Variants in NLRP14 observed in about 807,000 individuals in gnomAD.
NLRP14 encodes the protein NLR family pyrin domain containing 14.
In NLRP14, 105 loss-of-function variants were observed where a neutral mutation model predicts 94.7. The ratio of observed to expected loss-of-function variants is 1.11; its 90% confidence interval spans 0.95 to 1.30. NLRP14 has a LOEUF of 1.30. Ranked by LOEUF, NLRP14 falls within the 50% of genes most tolerant of loss-of-function variation. NLRP14 has a pLI of 0.00. For missense variants in NLRP14, 1,362 were observed against 1,254.1 expected, an observed-to-expected ratio of 1.09 and a Z score of -1.30; for synonymous variants, 508 against 459.9, an observed-to-expected ratio of 1.10 and a Z score of -1.34.
intron 1 of NLRP14, among the ~76,000 whole-genome samples, chr11:7,023,307 G>C (rs1851970135): frequency 6.9e-6 from 1 of 145,930 alleles, no homozygotes; most frequent in Admixed American, 6.9e-5. Flanking sequence ...GATTGATAAA[G>C]TATATATTTT....
chr11:7,080,989 G>T, the NLRP14 span, among the ~76,000 whole-genome samples: 2 of 152,128 alleles, frequency 1.3e-5, no homozygotes, highest in African/African-American at 4.8e-5. Context: ...GTTAGGAGGG[G>T]AGGTTGTCTT....
intron 1 of NLRP14, among the ~76,000 whole-genome samples, chr11:7,035,581 A>T (rs1036679725): frequency 2.0e-5 from 3 of 152,190 alleles, no homozygotes; most frequent in Non-Finnish European, 4.4e-5. Context: ...TGAGGCTGGG[A>T]AACTGCTATA....
chr11:7,083,898 G>A, the NLRP14 span, among the ~76,000 whole-genome samples: 1 of 152,132 alleles, frequency 6.6e-6, no homozygotes. Flanking sequence ...CCTTTAATAG[G>A]CAGTTTTACA....
intron 9 of NLRP14, among the ~76,000 whole-genome samples, chr11:7,060,389 T>G (rs1478979294): frequency 6.6e-6 from 1 of 152,054 alleles, no homozygotes; most frequent in East Asian, 1.9e-4. Flanking sequence ...AAAATTGTTC[T>G]CTACTAGTTT....
chr11:7,058,595 C>A, intron 8 of NLRP14, 145 bp downstream of exon 8: 2 of 672,158 alleles, frequency 3.0e-6, no homozygotes, highest in African/African-American at 1.8e-5. Flanking sequence ...TTAATAATTG[C>A]CATTTATTGT....
intron 1 of NLRP14, among the ~76,000 whole-genome samples, chr11:7,035,863 C>T (rs139956497): frequency 1.9e-3 from 285 of 152,248 alleles, no homozygotes; most frequent in African/African-American, 6.6e-3. Context: ...TTGTATAACT[C>T]TGAATTTCCA....
the NLRP14 span, among the ~76,000 whole-genome samples, chr11:7,081,759 T>C: frequency 6.6e-6 from 1 of 152,218 alleles, no homozygotes; most frequent in Non-Finnish European, 1.5e-5. Flanking sequence ...TCCATGTGTT[T>C]ATCAATTCAA....
chr11:7,057,923 AACTTCTTGGGTCTTGGC>A, intron 7 of NLRP14, 76 bp downstream of exon 7: 1 of 1,241,364 alleles, frequency 8.1e-7, no homozygotes, highest in Non-Finnish European at 1.2e-6. Flanking sequence ...CTGATAGGGA[AACTTCTTGGGTCTTGGC>A]ACTAACTGGC....
chr11:7,074,776 T>A (rs1589878711), downstream of NLRP14, among the ~76,000 whole-genome samples: 1 of 152,172 alleles, frequency 6.6e-6, no homozygotes, highest in Non-Finnish European at 1.5e-5. Flanking sequence ...TCTGTGGCTG[T>A]TTTTTCTGTA....
chr11:7,032,103 T>C (rs1056647742), intron 1 of NLRP14, among the ~76,000 whole-genome samples: 7 of 152,226 alleles, frequency 4.6e-5, no homozygotes, highest in Non-Finnish European at 1.0e-4. Context: ...ATTGCCTTTT[T>C]ACCTTTTTAT....
At chr11:7,089,656 G>A in the NLRP14 span, 4 of 1,409,074 alleles carry the variant, frequency 2.8e-6, no homozygotes, top group South Asian at 4.5e-5. Flanking sequence ...GGAATGCGCG[G>A]GAGGGCCCTG....
chr11:7,072,362 A>G (rs1011808704), downstream of NLRP14, among the ~76,000 whole-genome samples: 1 of 152,230 alleles, frequency 6.6e-6, no homozygotes, highest in African/African-American at 2.4e-5. Flanking sequence ...ATTCTCAGCA[A>G]TTTTGATCCT....
downstream of NLRP14, among the ~76,000 whole-genome samples, chr11:7,073,120 A>G (rs1350086774): frequency 6.6e-6 from 1 of 152,158 alleles, no homozygotes; most frequent in Non-Finnish European, 1.5e-5. Context: ...AGGATTTGAA[A>G]GGGCCAAGAG....
At chr11:7,046,964 C>T (rs1376246895) in intron 5 of NLRP14, 132 bp downstream of exon 5, 3 of 749,624 alleles carry the variant, frequency 4.0e-6, no homozygotes, top group Non-Finnish European at 4.7e-6. Context: ...TAAACAGGAA[C>T]AATGGAATCC....
chr11:7,074,276 A>C (rs1383282718), downstream of NLRP14, among the ~76,000 whole-genome samples: 1 of 152,224 alleles, frequency 6.6e-6, no homozygotes, highest in Non-Finnish European at 1.5e-5. Flanking sequence ...CACACAAAAC[A>C]GTAATACTGC....
intron 1 of NLRP14, among the ~76,000 whole-genome samples, chr11:7,034,819 T>C (rs1852140191): frequency 6.6e-6 from 1 of 152,226 alleles, no homozygotes; most frequent in Non-Finnish European, 1.5e-5. Flanking sequence ...TGGGATTTAT[T>C]ATGAGGATAC....
At position 7,036,391 on chromosome 11, in the gene NLRP14, A is replaced by G. The variant is rs550385910; in HGVS notation, c.-21-2175A>G. The stretch of plus-strand genomic sequence containing the variant: ...CTACTCTACTATAATTGTAGATATC[A>G]TATAGTAGAAAGCTAATAGGGTTCA... On this transcript the variant is annotated intron_variant, in intron 1 of 11. Coordinates refer to ENST00000299481, the MANE Select transcript of NLRP14 (RefSeq NM_176822.4). Among the ~76,000 whole-genome samples, 4 of 152,364 alleles carry G rather than the reference A, an allele frequency of 2.6e-5. No individual in the cohort carries two copies. In the South Asian group the frequency reaches 8.3e-4, roughly 32 times the overall value.
At chr11:7,037,941 A>G (rs143408949) in intron 1 of NLRP14, among the ~76,000 whole-genome samples, 155 of 152,330 alleles carry the variant, frequency 1.0e-3, no homozygotes, top group African/African-American at 3.7e-3. Flanking sequence ...TGTTGGGGAA[A>G]GTGCATGAAA....
chr11:7,084,809 T>G, the NLRP14 span, among the ~76,000 whole-genome samples: 1 of 152,240 alleles, frequency 6.6e-6, no homozygotes, highest in South Asian at 2.1e-4. Context: ...ATCCCCAATT[T>G]GTAGCCAAGT....
Sources: allele counts gnomAD v4.1 joint callset (sites outside exome capture counted in the v4.1 genomes callset), GRCh38; gene constraint gnomAD v4.1.1; transcripts MANE v1.5; gene names NCBI Gene and HGNC (gene_info 2026-07-23, HGNC 2026-07-21).